Variants in PHYKPL observed in about 807,000 individuals in gnomAD.
PHYKPL encodes 5-phosphonooxy-L-lysine phospho-lyase.
A neutral mutation model predicts 51.3 loss-of-function variants in PHYKPL; 42 were observed. The ratio of observed to expected loss-of-function variants is 0.82; its 90% CI spans 0.64 to 1.06. The LOEUF (loss-of-function observed/expected upper bound fraction) is 1.06, where lower values mean the gene tolerates loss of function less well. Ranked by LOEUF, PHYKPL falls within the 50% of genes least tolerant of loss-of-function variation. PHYKPL has a pLI of 0.00. For synonymous variants in PHYKPL, 264 were observed against 236.0 expected (o/e 1.12, Z -1.09); for missense variants, 655 against 586.6 (o/e 1.12, Z -1.20).
intron 3 of PHYKPL, among the ~76,000 whole-genome samples, chr5:178,227,211 A>G (rs967223984): frequency 4.6e-5 from 7 of 152,088 alleles, no homozygotes; most frequent in Admixed American, 2.0e-4. Context: ...CAGTGTCCTT[A>G]TAAGAGAAAA....
At chr5:178,230,331 T>A (rs974164365) in intron 2 of PHYKPL, 10 of 532,384 alleles carry the variant, frequency 1.9e-5, no homozygotes, top group Non-Finnish European at 3.4e-5. Flanking sequence ...AAGAACCCTG[T>A]CTAGAAAGCC....
chr5:178,212,385 T>G (rs565164562), intron 11 of PHYKPL, among the ~76,000 whole-genome samples: 1 of 152,286 alleles, frequency 6.6e-6, no homozygotes, highest in East Asian at 1.9e-4. Context: ...ATCTCTACTG[T>G]GAGATGCAAC....
In PHYKPL at chr5:178,211,954, C is replaced by T. The variant is rs755740786; in HGVS notation, c.1320G>A (p.Val440=). 2 of 1,614,216 alleles carry T rather than the reference C, an allele frequency of 1.2e-6. No individual in the cohort carries two copies. Among genetic ancestry groups the T allele is most frequent in the African/African-American group, 1.3e-5 (1 of 75,052 alleles). Reference sequence around the variant, plus strand: ...GGAGCCTCAGCGTTTCACAACTTCTCACCTTCTCTTCCATGTCTGAAAAAG... The same window carrying T: ...GGAGCCTCAGCGTTTCACAACTTCTTACCTTCTCTTCCATGTCTGAAAAAG... ...DAILTDMEEK[V]RSCETLRLQP The change falls in exon 12 of 13, where the codon GTG becomes GTA. Residue 440 remains valine, a synonymous_variant. Coordinates refer to ENST00000308158, the MANE Select transcript of PHYKPL (RefSeq NM_153373.4).
intron 8 of PHYKPL, among the ~76,000 whole-genome samples, chr5:178,220,496 C>CA (rs531244962): frequency 2.0e-5 from 3 of 151,688 alleles, no homozygotes; most frequent in Non-Finnish European, 4.4e-5. Flanking sequence ...ACTCTTGTCT[C>CA]AAAAAAACAA....
intron 8 of PHYKPL, among the ~76,000 whole-genome samples, chr5:178,217,959 T>C (rs1307192665): frequency 6.7e-6 from 1 of 149,888 alleles, no homozygotes; most frequent in East Asian, 2.0e-4. Flanking sequence ...GGCTCACGCC[T>C]GTAATCCCAG....
downstream of PHYKPL, among the ~76,000 whole-genome samples, chr5:178,208,210 T>G (rs868742060): frequency 3.7e-3 from 562 of 151,646 alleles, 2 homozygotes; most frequent in African/African-American, 0.012. Flanking sequence ...GTGTGGCAGG[T>G]TCTGTTTCTG....
intron 3 of PHYKPL, chr5:178,225,883 T>A (rs10062421): frequency 5.9e-6 from 1 of 168,604 alleles, no homozygotes; most frequent in Non-Finnish European, 1.3e-5. Flanking sequence ...TCCCACAGCA[T>A]GAGGGCTCAA....
chr5:178,211,830 G>A (rs1581208334), intron 12 of PHYKPL, 60 bp downstream of exon 12: 1 of 1,242,168 alleles, frequency 8.1e-7, no homozygotes, highest in East Asian at 2.3e-5. Flanking sequence ...GAGGCTGCTT[G>A]CTGCTGATGG....
chr5:178,212,648 G>A (rs1360442617), intron 11 of PHYKPL, among the ~76,000 whole-genome samples: 1 of 152,218 alleles, frequency 6.6e-6, no homozygotes, highest in African/African-American at 2.4e-5. Flanking sequence ...TGGCGGTAAT[G>A]GGGTCTCAAC....
chr5:178,226,151 C>T (rs1461402148), intron 3 of PHYKPL: 3 of 151,074 alleles, frequency 2.0e-5, no homozygotes, highest in Non-Finnish European at 4.4e-5. Context: ...TCTCAGCTCA[C>T]TGCAGCCTCT....
At chr5:178,215,855 C>CATTTTTTAATGATACGGCG in intron 8 of PHYKPL, 1 of 167,558 alleles carries the variant, frequency 6.0e-6, no homozygotes, top group Admixed American at 6.2e-5. Context: ...AGCTGCTTCA[C>CATTTTTTAATGATACGGCG]ACCCCTGGAG....
chr5:178,218,185 C>A (rs985493010), intron 8 of PHYKPL, among the ~76,000 whole-genome samples: 1 of 123,450 alleles, frequency 8.1e-6, no homozygotes, highest in African/African-American at 3.4e-5. Context: ...CCACTGCACT[C>A]CAGCCTGGGT....
chr5:178,213,169 G>C, intron 10 of PHYKPL, 66 bp from the exon 11 acceptor site: 1 of 1,587,126 alleles, frequency 6.3e-7, no homozygotes, highest in Non-Finnish European at 8.6e-7. Context: ...TTGGCCTCAT[G>C]TCCAGTGCTC....
In PHYKPL at chr5:178,210,793, T is replaced by C. The variant is rs908439025; in HGVS notation, c.*31+1097A>G. 8.5e-5 allele frequency: 54 copies of C among 638,210 alleles called. No homozygotes were observed. In the Middle Eastern group the frequency reaches 2.1e-3, roughly 25 times the overall value. The allele number at this position is 638,210 out of a possible 1,614,324, so 39.5% of individuals were successfully genotyped here. On this transcript the variant is annotated intron_variant, in intron 12 of 12. Transcript: ENST00000308158. ...CTCTCCTGTTGACTATTTCCAGAGC[T>C]CTAGGTGTTTAGGCAGCGTGTGGTG...
At chr5:178,228,073 C>T (rs1762641742) in intron 3 of PHYKPL, 1 of 170,490 alleles carries the variant, frequency 5.9e-6, no homozygotes, top group Admixed American at 5.9e-5. Flanking sequence ...AGATGTTTGT[C>T]AGATGTCACA....
In PHYKPL at chr5:178,222,352, C is replaced by A; in HGVS notation, c.927+3G>T. Reference sequence around the variant, plus strand: ...GCTCCCTTGACTTAGAGCCATCACTCACCGTGTTGAAGTACTCAACGCCGG... The same window carrying A: ...GCTCCCTTGACTTAGAGCCATCACTAACCGTGTTGAAGTACTCAACGCCGG... On this transcript the variant is annotated splice_donor_region_variant and intron_variant, in intron 8 of 12. Coordinates refer to ENST00000308158, the MANE Select transcript of PHYKPL (RefSeq NM_153373.4). 1.2e-6 allele frequency: 2 copies of A among 1,606,370 alleles called. No individual in the cohort carries two copies. Among genetic ancestry groups the A allele is most frequent in the South Asian group, 2.2e-5 (2 of 90,628 alleles).
downstream of PHYKPL, chr5:178,208,388 T>C (rs1319839699): frequency 6.6e-6 from 1 of 152,202 alleles, no homozygotes; most frequent in Non-Finnish European, 1.5e-5. Context: ...TGGACAGTGA[T>C]AGAGGCCTTT....
intron 1 of PHYKPL, chr5:178,232,165 T>A: frequency 1.6e-6 from 2 of 1,215,758 alleles, no homozygotes; most frequent in Non-Finnish European, 2.1e-6. Flanking sequence ...GGCGCCAGGG[T>A]GAAGGTCTTC....
intron 12 of PHYKPL, chr5:178,210,184 CGGCTACCAGCAG>C (rs1561671380): frequency 1.2e-6 from 2 of 1,613,304 alleles, no homozygotes; most frequent in Non-Finnish European, 1.7e-6. Flanking sequence ...ACCAGGGCTA[CGGCTACCAGCAG>C]GGCTACGGGC....
Sources: gnomAD v4.1 joint callset for allele counts (sites outside exome capture counted in the v4.1 genomes callset) on GRCh38, gnomAD v4.1.1 for gene constraint, MANE v1.5 for transcripts, NCBI Gene and HGNC (gene_info 2026-07-23, HGNC 2026-07-21) for gene names.